Variants in SLC44A5 observed in about 807,000 individuals in gnomAD.
The protein encoded by SLC44A5 is choline transporter-like protein 5.
Under a neutral mutation model 101.8 loss-of-function variants are expected in SLC44A5, and 57 were observed. That is an observed-to-expected ratio of 0.56 (90% CI 0.45 to 0.70). The LOEUF is 0.70. Among genes scored for constraint, SLC44A5 ranks in the 30% least tolerant of loss-of-function variants. The pLI is 0.00. For synonymous variants in SLC44A5, 281 were observed against 290.9 expected (o/e 0.97, Z 0.35); for missense variants, 737 against 853.1 (o/e 0.86, Z 1.70).
At chr1:75,692,574 G>A in the SLC44A5 span, among the ~76,000 whole-genome samples, 1 of 152,090 alleles carries the variant, frequency 6.6e-6, no homozygotes, top group Non-Finnish European at 1.5e-5. Context: ...TAATAGGAGA[G>A]GAAGCAGAGT....
Position 75,234,096 on chromosome 1 carries a change from C to A in SLC44A5, c.743G>T (p.Gly248Val), listed in dbSNP as rs1647851669. The A allele has an allele frequency of 6.2e-7, 1 of 1,611,484 alleles. No individual in the cohort carries two copies. The highest frequency in any genetic ancestry group is 1.3e-5 in the African/African-American group (1 of 74,796). Residue 248 changes from glycine (G) to valine (V), a missense_variant and splice_region_variant, in exon 12 of 24, where the codon GGC becomes GTC. Physicochemically the swap from Gly to Val is moderately radical, Grantham distance 109 (BLOSUM62 -3). Coordinates refer to ENST00000370859, the MANE Select transcript of SLC44A5 (RefSeq NM_001130058.2). ...YARTWYWILI[G>V]LTIAMVLSWI... ...ACTAAGGACCATGGCAATCGTCAGG[C>A]CACTAGAAAAAACCCACAACAAACA... is the stretch of plus-strand genomic sequence containing the variant.
chr1:75,295,215 T>C (rs1653872866), intron 5 of SLC44A5, among the ~76,000 whole-genome samples: 1 of 152,134 alleles, frequency 6.6e-6, no homozygotes, highest in South Asian at 2.1e-4. Context: ...AAATTAAAAA[T>C]GTATATTTAT....
At chr1:75,227,617 C>G in intron 13 of SLC44A5, 109 bp downstream of exon 13, 1 of 770,716 alleles carries the variant, frequency 1.3e-6, no homozygotes, top group Non-Finnish European at 1.9e-6. Flanking sequence ...TTTTATGACA[C>G]TAGTGATAAA....
chr1:75,680,455 T>A, the SLC44A5 span, among the ~76,000 whole-genome samples: 7 of 151,758 alleles, frequency 4.6e-5, no homozygotes, highest in Admixed American at 2.6e-4. Flanking sequence ...GGATTAAGAA[T>A]CTCACTCAAA....
intron 2 of SLC44A5, among the ~76,000 whole-genome samples, chr1:75,459,070 A>G (rs1297670021): frequency 6.6e-6 from 1 of 152,184 alleles, no homozygotes. Context: ...GGTGAGGGAT[A>G]GTGCCCCGGA....
chr1:75,397,299 C>G (rs995384255), intron 2 of SLC44A5, among the ~76,000 whole-genome samples: 2 of 152,154 alleles, frequency 1.3e-5, no homozygotes, highest in Non-Finnish European at 2.9e-5. Context: ...AACAAAAACA[C>G]TAATGCTTTC....
At chr1:75,705,539 C>T in the SLC44A5 span, among the ~76,000 whole-genome samples, 659 of 152,226 alleles carry the variant, frequency 4.3e-3, 5 homozygotes, top group African/African-American at 0.015. Context: ...CAAAACTTTT[C>T]GTGCATTCTC....
intron 1 of SLC44A5, among the ~76,000 whole-genome samples, chr1:75,545,638 T>C (rs1270810095): frequency 6.6e-6 from 1 of 152,202 alleles, no homozygotes; most frequent in African/African-American, 2.4e-5. Context: ...CTTTTCATTC[T>C]GTAATTAATA....
chr1:75,625,586 A>G, the SLC44A5 span, among the ~76,000 whole-genome samples: 1 of 152,174 alleles, frequency 6.6e-6, no homozygotes, highest in Non-Finnish European at 1.5e-5. Flanking sequence ...AACTTGTCAA[A>G]TGATACACTT....
chr1:75,369,043 C>T (rs979213359), intron 3 of SLC44A5, among the ~76,000 whole-genome samples: 10 of 151,640 alleles, frequency 6.6e-5, no homozygotes, highest in African/African-American at 2.4e-4. Flanking sequence ...GACAGGTTCT[C>T]ACTCTGTCAC....
chr1:75,348,204 T>C lies in SLC44A5; in HGVS notation c.53-8574A>G, dbSNP rs905957490. Among the ~76,000 whole-genome samples the C allele has an allele frequency of 4.6e-5, 7 of 152,058 alleles. No individual in the cohort carries two copies. The South Asian group carries it at 1.2e-3, about 27-fold the overall frequency. On this transcript the variant is annotated intron_variant, in intron 3 of 23. Transcript: ENST00000370859. ...TGTCAAAGCAACTAAAAATTTGAGA[T>C]ATAAAGCTTAAAGAATATCTTAAAA...
chr1:75,367,433 G>C (rs1659933402), intron 3 of SLC44A5, among the ~76,000 whole-genome samples: 1 of 152,186 alleles, frequency 6.6e-6, no homozygotes, highest in Non-Finnish European at 1.5e-5. Flanking sequence ...TCCACAGTTG[G>C]ATCTGCAGAA....
At chr1:75,373,896 G>A (rs1474351910) in intron 3 of SLC44A5, among the ~76,000 whole-genome samples, 6 of 152,176 alleles carry the variant, frequency 3.9e-5, no homozygotes, top group African/African-American at 1.4e-4. Flanking sequence ...GGGGCATCAA[G>A]CTGAGATCTG....
chr1:75,547,105 T>C (rs1456430270), intron 1 of SLC44A5, among the ~76,000 whole-genome samples: 2 of 152,196 alleles, frequency 1.3e-5, no homozygotes, highest in Non-Finnish European at 2.9e-5. Flanking sequence ...GGATAACTCA[T>C]TTTAAGAGTT....
intron 3 of SLC44A5, among the ~76,000 whole-genome samples, chr1:75,377,088 TG>T (rs1660682830): frequency 6.6e-6 from 1 of 152,068 alleles, no homozygotes; most frequent in South Asian, 2.1e-4. Flanking sequence ...CAATGGAATG[TG>T]GGGAAAAGCA....
At chr1:75,590,484 C>G (rs1444776173) in intron 1 of SLC44A5, among the ~76,000 whole-genome samples, 1 of 152,166 alleles carries the variant, frequency 6.6e-6, no homozygotes, top group East Asian at 1.9e-4. Context: ...AGGCATACAG[C>G]ACCAGTGAGC....
chr1:75,671,858 C>G, the SLC44A5 span, among the ~76,000 whole-genome samples: 1 of 152,164 alleles, frequency 6.6e-6, no homozygotes, highest in Admixed American at 6.5e-5. Flanking sequence ...GGAACTGAAA[C>G]TATTTCTTTT....
chr1:75,481,589 G>A (rs1251491947), intron 2 of SLC44A5, among the ~76,000 whole-genome samples: 1 of 151,942 alleles, frequency 6.6e-6, no homozygotes, highest in East Asian at 1.9e-4. Context: ...CAAAAGGTGG[G>A]CGAAGGACAT....
At chr1:75,388,955 T>C (rs1411400946) in intron 3 of SLC44A5, among the ~76,000 whole-genome samples, 2 of 152,084 alleles carry the variant, frequency 1.3e-5, no homozygotes, top group African/African-American at 4.8e-5. Context: ...TATAGGCTCA[T>C]TGCTCCTGAA....
Sources: gnomAD v4.1 joint callset for allele counts (sites outside exome capture counted in the v4.1 genomes callset) on GRCh38, gnomAD v4.1.1 for gene constraint, MANE v1.5 for transcripts, NCBI Gene and HGNC (gene_info 2026-07-23, HGNC 2026-07-21) for gene names.